The following COL3A1 variants were observed in gnomAD, a reference collection of about 807,000 sequenced individuals.
COL3A1 encodes the protein collagen alpha-1(III) chain.
Under a neutral mutation model 200.9 loss-of-function variants are expected in COL3A1, and 46 were observed. That is an observed-to-expected ratio of 0.23 (90% CI 0.18 to 0.29). The LOEUF is 0.29. COL3A1 is among the 10% of genes least tolerant of loss of function. The pLI is 1.00. For missense variants in COL3A1, 1,367 were observed against 1,917.6 expected (o/e 0.71, Z 5.36); for synonymous variants, 650 against 628.0 (o/e 1.03, Z -0.52).
chr2:189,012,087 C>G lies in COL3A1; in HGVS notation c.*313C>G. 1 of 341,178 alleles carries G rather than the reference C, an allele frequency of 2.9e-6. No homozygotes were observed. Among genetic ancestry groups the G allele is most frequent in the Non-Finnish European group, 5.5e-6 (1 of 180,382 alleles). 21.1% of individuals were successfully genotyped at this position (341,178 alleles called of 1,614,324 possible). ...TGTGTTATATTCTTTGAATCCTAGC[C>G]CATCTGCAGAGCAATGACTGTGCTC... On this transcript the variant is annotated 3_prime_UTR_variant, in exon 51 of 51. Coordinates refer to ENST00000304636, the MANE Select transcript of COL3A1 (RefSeq NM_000090.4).
Position 188,994,363 on chromosome 2 carries a change from G to A in COL3A1, c.1293+31G>A. On this transcript the variant is annotated intron_variant, in intron 18 of 50. Coordinates refer to ENST00000304636, the MANE Select transcript of COL3A1 (RefSeq NM_000090.4). The surrounding 1 kb of genome is among the most constrained non-coding windows in gnomAD (Gnocchi z 4.5). ...TTGCCTTGTTTTTTCTCTGTTGACTGAAAGGTATAGTTTAATTCCATCAAC... is the reference window on the plus strand; with the variant it reads ...TTGCCTTGTTTTTTCTCTGTTGACTAAAAGGTATAGTTTAATTCCATCAAC... 1 of 1,611,410 alleles carries A rather than the reference G, an allele frequency of 6.2e-7. No homozygotes were observed. Among genetic ancestry groups the A allele is most frequent in the Non-Finnish European group, 8.5e-7 (1 of 1,178,216 alleles).
At chr2:188,991,186 T>A (rs1284939724) in intron 11 of COL3A1, 129 bp downstream of exon 11, 1 of 936,050 alleles carries the variant, frequency 1.1e-6, no homozygotes, top group African/African-American at 1.7e-5. Flanking sequence ...TAGGTGTGAA[T>A]AATGGTAACC....
Position 189,010,874 on chromosome 2 carries a change from T to C in COL3A1, c.4238T>C (p.Leu1413Pro). ...EGNSKFTYTVLEDGCTKHTGE... is the reference protein window; with the variant it reads ...EGNSKFTYTVPEDGCTKHTGE... ...AATAGCAAATTCACCTACACAGTTC[T>C]GGAGGATGGTTGCACGGTAGGAAAC... The change falls in exon 50 of 51, where the codon CTG (leucine) becomes CCG (proline). Residue 1413 changes from leucine (L) to proline (P), a missense_variant. Leu to Pro is a moderately conservative substitution (Grantham distance 98, BLOSUM62 -3). Around this residue, in one of 5 missense-constraint regions of COL3A1, gnomAD observed 846 missense variants for 1,147.9 expected, o/e 0.74. Transcript: ENST00000304636. 1 of 1,614,170 alleles carries C rather than the reference T, an allele frequency of 6.2e-7. No homozygotes were observed. The highest frequency in any genetic ancestry group is 8.5e-7 in the Non-Finnish European group (1 of 1,179,980).
At chr2:189,000,906 T>C (rs546817166) in intron 32 of COL3A1, among the ~76,000 whole-genome samples, 1 of 152,322 alleles carries the variant, frequency 6.6e-6, no homozygotes, top group Admixed American at 6.5e-5. Flanking sequence ...AATGCTTCGC[T>C]TTTGACAGAC....
At chr2:188,999,815 C>G (rs749090736) in intron 31 of COL3A1, 27 bp from the exon 32 acceptor site, 139 of 1,585,394 alleles carry the variant, frequency 8.8e-5, no homozygotes, top group Non-Finnish European at 1.1e-4. Context: ...TACTTTGAAT[C>G]TGATGACATT....
intron 1 of COL3A1, among the ~76,000 whole-genome samples, chr2:188,982,574 G>A (rs17292943): frequency 0.24 from 35,784 of 151,636 alleles, 4,359 homozygotes; most frequent in Middle Eastern, 0.34. Context: ...AGTATTCAAT[G>A]GCTGTTTTTC....
At position 189,006,277 on chromosome 2, in the gene COL3A1, G is replaced by A. The variant is rs568354163; in HGVS notation, c.3093+18G>A. ...GTGGCAAGGTATAATAAACACATGT[G>A]CAATTGATTTGTGTTATCAAAATAA... is the stretch of plus-strand genomic sequence containing the variant. On this transcript the variant is annotated intron_variant, in intron 42 of 50. Transcript: ENST00000304636. 3 of 1,613,868 alleles carry A rather than the reference G, an allele frequency of 1.9e-6. No individual in the cohort carries two copies. Among genetic ancestry groups the A allele is most frequent in the Admixed American group, 1.7e-5 (1 of 60,014 alleles).
chr2:189,001,157 A>C (rs979924890), intron 32 of COL3A1, among the ~76,000 whole-genome samples: 2 of 152,220 alleles, frequency 1.3e-5, no homozygotes, highest in African/African-American at 4.8e-5. Context: ...AAGATAAATG[A>C]ATCAATAAAC....
intron 1 of COL3A1, among the ~76,000 whole-genome samples, chr2:188,983,868 T>C (rs1688007961): frequency 6.6e-6 from 1 of 151,980 alleles, no homozygotes; most frequent in African/African-American, 2.4e-5. Flanking sequence ...TTAACCACAA[T>C]ACACAGCTAA....
intron 1 of COL3A1, among the ~76,000 whole-genome samples, chr2:188,977,754 G>T (rs575000882): frequency 4.6e-5 from 7 of 152,060 alleles, no homozygotes; most frequent in Admixed American, 4.6e-4. Flanking sequence ...GTAACTATTT[G>T]TCATTGAAAG....
At position 188,994,879 on chromosome 2, in the gene COL3A1, C is replaced by T; in HGVS notation, c.1455+48C>T. On this transcript the variant is annotated intron_variant, in intron 20 of 50. Transcript: ENST00000304636. The surrounding 1 kb of genome is among the most constrained non-coding windows in gnomAD (Gnocchi z 4.5). Reference sequence around the variant, plus strand: ...AAAAGAAAAGCAGCATCACTGTCATCTAAATAAAACTACCTTCAGGGTGAG... The same window carrying T: ...AAAAGAAAAGCAGCATCACTGTCATTTAAATAAAACTACCTTCAGGGTGAG... 6.3e-7 allele frequency: 1 copy of T among 1,597,464 alleles called. No individual in the cohort carries two copies. Among genetic ancestry groups the T allele is most frequent in the South Asian group, 1.1e-5 (1 of 90,710 alleles).
At chr2:188,997,826 T>C in intron 27 of COL3A1, 73 bp downstream of exon 27, 5 of 1,314,980 alleles carry the variant, frequency 3.8e-6, no homozygotes, top group Non-Finnish European at 5.5e-6. Flanking sequence ...TAGATTATAA[T>C]TTATCTGAAG....
intron 9 of COL3A1, 53 bp downstream of exon 9, chr2:188,990,202 A>G (rs543202645): frequency 6.3e-7 from 1 of 1,594,940 alleles, no homozygotes; most frequent in Non-Finnish European, 8.6e-7. Flanking sequence ...CTTGAAAACT[A>G]TTATGTAATT....
Position 189,004,077 on chromosome 2 carries a change from G to A in COL3A1, c.2757G>A (p.Val919=). Residue 919 remains valine (V), a synonymous_variant, in exon 39 of 51, where the codon GTG becomes GTA. Coordinates refer to ENST00000304636, the MANE Select transcript of COL3A1 (RefSeq NM_000090.4). ...CTGGTGCTCCTGGCAGCCCTGGAGT[G>A]TCTGGACCAAAAGGTGATGCTGGCC... The part of the protein sequence containing the change: ...GNTGAPGSPG[V]SGPKGDAGQP... 4 of 1,613,552 alleles carry A rather than the reference G, an allele frequency of 2.5e-6. No homozygotes were observed. The highest frequency in any genetic ancestry group is 4.5e-5 in the East Asian group (2 of 44,874).
chr2:188,985,063 T>C, intron 2 of COL3A1, 101 bp downstream of exon 2: 1 of 1,403,818 alleles, frequency 7.1e-7, no homozygotes, highest in Non-Finnish European at 1.0e-6. Context: ...GTCATGTTCA[T>C]CAAATAGCCA....
In COL3A1 at chr2:188,980,092, T is replaced by A. The variant is rs567314806; in HGVS notation, c.80-4668T>A. Among the ~76,000 whole-genome samples the A allele has an allele frequency of 2.8e-4, 42 of 151,760 alleles. No homozygotes were observed. In the East Asian group the frequency reaches 7.0e-3, roughly 25 times the overall value. The stretch of plus-strand genomic sequence containing the variant: ...ACTCTAAGGAAGAAATTAAAGTACT[T>A]AGTAACTTAGTGATAAGGATGGTGA... On this transcript the variant is annotated intron_variant, in intron 1 of 50. Transcript: ENST00000304636.
At chr2:188,998,234 T>A in intron 27 of COL3A1, 32 bp from the exon 28 acceptor site, 1 of 1,593,456 alleles carries the variant, frequency 6.3e-7, no homozygotes, top group Non-Finnish European at 8.6e-7. Flanking sequence ...ATGTTTGAGG[T>A]AATTACCTAA....
intron 20 of COL3A1, 21 bp from the exon 21 acceptor site, chr2:188,995,025 C>G (rs1559056581): frequency 6.2e-7 from 1 of 1,613,410 alleles, no homozygotes; most frequent in Non-Finnish European, 8.5e-7. Flanking sequence ...GACTGAAATA[C>G]TTGTCTTTCA....
intron 44 of COL3A1, among the ~76,000 whole-genome samples, chr2:189,007,258 A>G (rs781196334): frequency 8.1e-4 from 123 of 151,076 alleles, no homozygotes; most frequent in Non-Finnish European, 1.5e-3. Context: ...AAAGCAGTTC[A>G]GGATCTAAAA....
Sources: gnomAD v4.1 joint callset for allele counts (sites outside exome capture counted in the v4.1 genomes callset) on GRCh38, gnomAD v4.1.1 for gene constraint, gnomAD v4.1.1 regional missense constraint, Gnocchi (gnomAD v3.1) non-coding constraint, MANE v1.5 for transcripts, NCBI Gene and HGNC (gene_info 2026-07-23, HGNC 2026-07-21) for gene names.